Variants in MEF2C observed in about 807,000 individuals in gnomAD.
MEF2C encodes myocyte enhancer factor 2C.
In MEF2C, 6 loss-of-function variants were observed where a neutral mutation model predicts 50.5. The observed-to-expected ratio is 0.12, with a 90% CI of 0.07 to 0.23. The LOEUF (loss-of-function observed/expected upper bound fraction) is 0.23. Among genes scored for constraint, MEF2C ranks in the 10% least tolerant of loss-of-function variants. The pLI, the probability that MEF2C is intolerant of heterozygous loss-of-function variation, is 1.00. For synonymous variants in MEF2C, 183 were observed against 228.0 expected, an observed-to-expected ratio of 0.80 and a Z score of 1.78; for missense variants, 276 against 605.0, an observed-to-expected ratio of 0.46 and a Z score of 5.70.
chr5:88,861,634 T>C (rs1485722991), intron 1 of MEF2C, among the ~76,000 whole-genome samples: 1 of 152,190 alleles, frequency 6.6e-6, no homozygotes, highest in African/African-American at 2.4e-5. Context: ...ACAACAGTCC[T>C]GATAAATATG....
intron 1 of MEF2C, among the ~76,000 whole-genome samples, chr5:88,852,773 G>A (rs1354216936): frequency 6.6e-6 from 1 of 152,140 alleles, no homozygotes; most frequent in Admixed American, 6.5e-5. Flanking sequence ...AAATGAGCTG[G>A]GCACGATGGT....
chr5:88,746,230 A>G (rs1201518662), intron 6 of MEF2C, among the ~76,000 whole-genome samples: 1 of 152,226 alleles, frequency 6.6e-6, no homozygotes, highest in African/African-American at 2.4e-5. Context: ...AATATAAAGC[A>G]GGGAGATGAA....
intron 7 of MEF2C, 98 bp downstream of exon 7, chr5:88,731,631 G>A: frequency 9.1e-7 from 1 of 1,101,938 alleles, no homozygotes; most frequent in South Asian, 1.3e-5. Flanking sequence ...AATTTTCTGG[G>A]AGAATGTTAA....
At chr5:88,749,456 T>C in intron 5 of MEF2C, 2 of 984,616 alleles carry the variant, frequency 2.0e-6, no homozygotes, top group Non-Finnish European at 2.4e-6. Context: ...GTCTACTATA[T>C]GCTCAGATGA....
chr5:88,745,866 C>T (rs1769255319), intron 6 of MEF2C, among the ~76,000 whole-genome samples: 1 of 152,162 alleles, frequency 6.6e-6, no homozygotes, highest in Non-Finnish European at 1.5e-5. Flanking sequence ...CTGGGCTCTT[C>T]CTTGTGCAAT....
chr5:88,880,580 TAAAAG>T, intron 1 of MEF2C, among the ~76,000 whole-genome samples: 1 of 152,276 alleles, frequency 6.6e-6, no homozygotes, highest in Non-Finnish European at 1.5e-5. Flanking sequence ...CTGTTCTTTA[TAAAAG>T]AAGTTTAAAT....
chr5:88,821,362 C>G (rs529445278), intron 2 of MEF2C, among the ~76,000 whole-genome samples: 8 of 151,830 alleles, frequency 5.3e-5, no homozygotes, highest in Middle Eastern at 3.2e-3. Context: ...TTTGACATCT[C>G]GGGTCCTAGT....
At chr5:88,779,249 T>G (rs1404615873) in intron 3 of MEF2C, among the ~76,000 whole-genome samples, 2 of 152,170 alleles carry the variant, frequency 1.3e-5, no homozygotes, top group African/African-American at 4.8e-5. Context: ...AAAAGATCAC[T>G]GTTAAAAGAT....
At chr5:88,729,904 T>G (rs1034621694) in intron 8 of MEF2C, among the ~76,000 whole-genome samples, 3 of 152,096 alleles carry the variant, frequency 2.0e-5, no homozygotes, top group African/African-American at 7.2e-5. Flanking sequence ...CACATAAACT[T>G]AAAATCATGA....
chr5:88,862,621 T>C (rs1018557490), intron 1 of MEF2C, among the ~76,000 whole-genome samples: 1 of 152,214 alleles, frequency 6.6e-6, no homozygotes, highest in Non-Finnish European at 1.5e-5. Context: ...TTGAATCTCC[T>C]CTATATAAAG....
In MEF2C at chr5:88,751,545, G is replaced by T. The variant is rs537141758; in HGVS notation, c.589+312C>A. 3 of 985,030 alleles carry T rather than the reference G, an allele frequency of 3.0e-6. No homozygotes were observed. In the African/African-American group the frequency reaches 5.2e-5, roughly 17 times the overall value. The allele number at this position is 985,030 out of a possible 1,614,324, so 61.0% of individuals were successfully genotyped here. A position where few individuals can be genotyped will look rare whatever the true frequency, so the allele number is the denominator to read the frequency against. ...GGAAAATGGCATTTTAGGCAGGGAG[G>T]ACGAGCAGAAGTAAAAGTGTGGAGA... On this transcript the variant is annotated intron_variant, in intron 5 of 10. Coordinates refer to ENST00000504921, the MANE Select transcript of MEF2C (RefSeq NM_002397.5).
intron 1 of MEF2C, among the ~76,000 whole-genome samples, chr5:88,857,939 G>C (rs964801489): frequency 6.6e-6 from 1 of 152,076 alleles, no homozygotes; most frequent in Non-Finnish European, 1.5e-5. Context: ...CAAGTCTAGA[G>C]GACGCAGAGA....
chr5:88,778,392 T>G (rs775201498), intron 3 of MEF2C, among the ~76,000 whole-genome samples: 16 of 152,182 alleles, frequency 1.1e-4, no homozygotes, highest in Non-Finnish European at 2.2e-4. Context: ...GGCACCTATA[T>G]TCTTCAGATG....
intron 1 of MEF2C, among the ~76,000 whole-genome samples, chr5:88,866,216 C>T (rs192121358): frequency 7.2e-5 from 11 of 152,130 alleles, no homozygotes; most frequent in African/African-American, 2.7e-4. Context: ...TTCAAATAGA[C>T]GAATTTTTAA....
chr5:88,785,885 AGAAGTCT>A (rs1343289821), intron 3 of MEF2C, among the ~76,000 whole-genome samples: 1 of 152,010 alleles, frequency 6.6e-6, no homozygotes, highest in Admixed American at 6.5e-5. Context: ...ATTGGCACCT[AGAAGTCT>A]GAAGAGAGAG....
At chr5:88,834,247 T>A (rs1217638543) in intron 1 of MEF2C, among the ~76,000 whole-genome samples, 1 of 152,126 alleles carries the variant, frequency 6.6e-6, no homozygotes, top group East Asian at 1.9e-4. Flanking sequence ...CTGCCACAGC[T>A]TTGGAGCAGA....
Position 88,722,514 on chromosome 5 carries a change from T to C in MEF2C, c.*90A>G. 8.6e-7 allele frequency: 1 copy of C among 1,162,988 alleles called. No homozygotes were observed. 72.0% of individuals were successfully genotyped at this position (1,162,988 alleles called of 1,614,324 possible). On this transcript the variant is annotated 3_prime_UTR_variant, in exon 11 of 11. Transcript: ENST00000504921. Reference sequence around the variant, plus strand: ...TTTTTTTTTTTCCACACACGGCACATATAATGCATATCGACCCCCCTTCCC... The same window carrying C: ...TTTTTTTTTTTCCACACACGGCACACATAATGCATATCGACCCCCCTTCCC...
intron 1 of MEF2C, among the ~76,000 whole-genome samples, chr5:88,876,032 AAAAG>A (rs1409522538): frequency 1.3e-5 from 2 of 151,536 alleles, no homozygotes; most frequent in Non-Finnish European, 2.9e-5. Flanking sequence ...CTGTTTTTTA[AAAAG>A]AAAGAGCTGA....
At chr5:88,728,685 G>C (rs1581325529) in intron 9 of MEF2C, 57 bp from the exon 10 acceptor site, 1 of 1,181,722 alleles carries the variant, frequency 8.5e-7, no homozygotes, top group African/African-American at 1.6e-5. Context: ...TTATCAAATG[G>C]TAAATAGAAT....
Sources: allele counts gnomAD v4.1 joint callset (sites outside exome capture counted in the v4.1 genomes callset), GRCh38; gene constraint gnomAD v4.1.1; transcripts MANE v1.5; gene names NCBI Gene and HGNC (gene_info 2026-07-23, HGNC 2026-07-21).